Variants in GRIN2B observed in about 807,000 individuals in gnomAD.
The protein encoded by GRIN2B is glutamate ionotropic receptor NMDA type subunit 2B, also known as glutamate receptor ionotropic, NMDA 2B.
Under a neutral mutation model 114.5 loss-of-function variants are expected in GRIN2B, and 5 were observed. That is an observed-to-expected ratio of 0.04 (90% CI 0.02 to 0.09). GRIN2B has a LOEUF of 0.09. GRIN2B is among the 10% of genes least tolerant of loss of function. The pLI is 1.00. For missense variants in GRIN2B, 1,108 were observed against 1,943.5 expected, an observed-to-expected ratio of 0.57 and a Z score of 8.08; for synonymous variants, 787 against 745.1, an observed-to-expected ratio of 1.06 and a Z score of -0.92.
chr12:13,607,327 AAT>A (rs1949277846), intron 10 of GRIN2B, among the ~76,000 whole-genome samples: 2 of 56,290 alleles, frequency 3.6e-5, no homozygotes, highest in Non-Finnish European at 6.4e-5. Context: ...TAAAATATAT[AAT>A]ATATATTATA....
intron 2 of GRIN2B, among the ~76,000 whole-genome samples, chr12:13,969,318 C>CT (rs1055781994): frequency 6.6e-6 from 1 of 152,148 alleles, no homozygotes; most frequent in Non-Finnish European, 1.5e-5. Flanking sequence ...AAACCTTTAT[C>CT]TTTTTTAACA....
intron 2 of GRIN2B, among the ~76,000 whole-genome samples, chr12:13,881,630 A>G (rs1405348819): frequency 6.6e-6 from 1 of 152,216 alleles, no homozygotes; most frequent in African/African-American, 2.4e-5. Context: ...TGTCTAATAT[A>G]TATTCAGGCC....
chr12:13,929,952 G>A (rs1444895023), intron 2 of GRIN2B, among the ~76,000 whole-genome samples: 2 of 152,142 alleles, frequency 1.3e-5, no homozygotes, highest in African/African-American at 4.8e-5. Context: ...TTGGGAGGCT[G>A]AGGCGGGCGG....
intron 3 of GRIN2B, among the ~76,000 whole-genome samples, chr12:13,760,536 C>T (rs1279633194): frequency 6.6e-6 from 1 of 152,214 alleles, no homozygotes; most frequent in Admixed American, 6.5e-5. Flanking sequence ...TTTCCCTCTA[C>T]TCTCTTTCCT....
At chr12:13,731,678 T>C (rs1013914157) in intron 4 of GRIN2B, among the ~76,000 whole-genome samples, 2 of 152,148 alleles carry the variant, frequency 1.3e-5, no homozygotes, top group African/African-American at 4.8e-5. Flanking sequence ...GTATTAGCTC[T>C]ACAGAGGACA....
intron 2 of GRIN2B, among the ~76,000 whole-genome samples, chr12:13,920,995 G>A (rs1189370141): frequency 6.6e-6 from 1 of 152,072 alleles, no homozygotes; most frequent in Non-Finnish European, 1.5e-5. Context: ...CCCTAACAAA[G>A]CACAGTACGT....
chr12:13,811,908 G>T (rs1043411379), intron 3 of GRIN2B, among the ~76,000 whole-genome samples: 2 of 152,184 alleles, frequency 1.3e-5, no homozygotes, highest in Non-Finnish European at 2.9e-5. Context: ...AAAGCTCAGG[G>T]TTTATGAATG....
Position 13,768,599 on chromosome 12 carries a change from G to A in GRIN2B, c.412-14684C>T, listed in dbSNP as rs540704104. ...GACCCAGTAGGGAGCCAGCTGGGGA[G>A]TGGTCTTAGTTCCTCTCGGCTTTCC... On this transcript the variant is annotated intron_variant, in intron 3 of 13. Coordinates refer to ENST00000609686, the MANE Select transcript of GRIN2B (RefSeq NM_000834.5). 6.6e-5 allele frequency among the ~76,000 whole-genome samples: 10 copies of A among 152,342 alleles called. No homozygotes were observed. The East Asian group carries it at 9.6e-4, about 15-fold the overall frequency.
intron 2 of GRIN2B, among the ~76,000 whole-genome samples, chr12:13,967,307 GTTTCT>G (rs905627901): frequency 1.1e-4 from 16 of 152,184 alleles, no homozygotes; most frequent in Non-Finnish European, 1.9e-4. Flanking sequence ...CACACAGTAT[GTTTCT>G]TTTAAGTCTC....
At chr12:13,763,121 A>T (rs914681645) in intron 3 of GRIN2B, among the ~76,000 whole-genome samples, 1 of 145,026 alleles carries the variant, frequency 6.9e-6, no homozygotes, top group Non-Finnish European at 1.5e-5. Context: ...GAGACAGATT[A>T]AAAAAAAAAA....
At chr12:13,812,462 ATCT>A (rs1195914280) in intron 3 of GRIN2B, among the ~76,000 whole-genome samples, 4 of 135,240 alleles carry the variant, frequency 3.0e-5, no homozygotes. Context: ...ATATGTATTT[ATCT>A]TTTTTTTTCA....
At chr12:13,691,981 G>A in intron 4 of GRIN2B, among the ~76,000 whole-genome samples, 1 of 152,144 alleles carries the variant, frequency 6.6e-6, no homozygotes, top group Middle Eastern at 3.2e-3. Flanking sequence ...GTTTGAGTGA[G>A]AATGTGTCTA....
At chr12:13,739,179 G>C (rs61912104) in intron 4 of GRIN2B, among the ~76,000 whole-genome samples, 1 of 151,830 alleles carries the variant, frequency 6.6e-6, no homozygotes, top group Non-Finnish European at 1.5e-5. Context: ...TCAGGAGTTC[G>C]AGACCAGCCT....
chr12:13,618,879 C>T (rs1949480528), intron 5 of GRIN2B, among the ~76,000 whole-genome samples: 1 of 152,022 alleles, frequency 6.6e-6, no homozygotes, highest in Non-Finnish European at 1.5e-5. Context: ...GGAAAAAATG[C>T]TACAGACATA....
Position 13,562,769 on chromosome 12 carries a change from C to T in GRIN2B, c.*14G>A, listed in dbSNP as rs372520149. 6.2e-7 allele frequency: 1 copy of T among 1,609,132 alleles called. No individual in the cohort carries two copies. Among genetic ancestry groups the T allele is most frequent in the Non-Finnish European group, 8.5e-7 (1 of 1,175,492 alleles). ...TACCCTCCCGTACCCACCTTAACCT[C>T]TCTGTTCCCTCACTCAGACATCAGA... On this transcript the variant is annotated 3_prime_UTR_variant, in exon 14 of 14. Coordinates refer to ENST00000609686, the MANE Select transcript of GRIN2B (RefSeq NM_000834.5).
intron 3 of GRIN2B, among the ~76,000 whole-genome samples, chr12:13,811,930 A>T (rs539400693): frequency 1.3e-5 from 2 of 152,324 alleles, no homozygotes; most frequent in South Asian, 4.1e-4. Context: ...GCCTCAAGGG[A>T]TCCTTGAATT....
intron 5 of GRIN2B, among the ~76,000 whole-genome samples, chr12:13,648,763 C>G (rs1565488445): frequency 6.6e-6 from 1 of 151,952 alleles, no homozygotes; most frequent in South Asian, 2.1e-4. Flanking sequence ...AATCTCTGCC[C>G]TGGAGGATCT....
At chr12:13,814,966 T>G (rs1864790485) in intron 3 of GRIN2B, among the ~76,000 whole-genome samples, 1 of 152,204 alleles carries the variant, frequency 6.6e-6, no homozygotes, top group Admixed American at 6.5e-5. Flanking sequence ...TTTTTAAACC[T>G]GTATTTAAAC....
chr12:13,541,264 G>C lies in GRIN2B; in HGVS notation c.*21519C>G, dbSNP rs1948275064. On this transcript the variant is annotated 3_prime_UTR_variant, in exon 14 of 14. Coordinates refer to ENST00000609686, the MANE Select transcript of GRIN2B (RefSeq NM_000834.5). ...AGTATTAATGCTGGGATAGTCACTG[G>C]GTAACAAAGCTCCCATAAATCTATT... is the stretch of plus-strand genomic sequence containing the variant. 1 of 152,168 alleles carries C rather than the reference G, an allele frequency of 6.6e-6. No homozygotes were observed. Among genetic ancestry groups the C allele is most frequent in the Non-Finnish European group, 1.5e-5 (1 of 68,038 alleles). The allele number at this position is 152,168 out of a possible 1,614,324, so 9.4% of individuals were successfully genotyped here. A position where few individuals can be genotyped will look rare whatever the true frequency, so the allele number is the denominator to read the frequency against.
Sources: gnomAD v4.1 joint callset for allele counts (sites outside exome capture counted in the v4.1 genomes callset) on GRCh38, gnomAD v4.1.1 for gene constraint, MANE v1.5 for transcripts, NCBI Gene and HGNC (gene_info 2026-07-23, HGNC 2026-07-21) for gene names.